The following RYR1 variants were observed in gnomAD, a reference collection of about 807,000 sequenced individuals.
The protein encoded by RYR1 is ryanodine receptor 1.
A neutral mutation model predicts 583.5 loss-of-function variants in RYR1; 342 were observed. That is an observed-to-expected ratio of 0.59 (90% CI 0.54 to 0.64). The LOEUF (loss-of-function observed/expected upper bound fraction) is 0.64. RYR1 is among the 30% of genes least tolerant of loss of function. The probability of loss-of-function intolerance (pLI) is 0.00; values close to 1 mark genes in which losing one functional copy is unlikely to be tolerated. For synonymous variants in RYR1, 2,791 were observed against 2,822.5 expected (o/e 0.99, Z 0.35); for missense variants, 6,032 against 6,917.2 (o/e 0.87, Z 4.54).
At position 38,516,231 on chromosome 19, in the gene RYR1, G is replaced by A. The variant is rs758478377; in HGVS notation, c.9685+14G>A. On this transcript the variant is annotated intron_variant, in intron 65 of 105. Coordinates refer to ENST00000359596, the MANE Select transcript of RYR1 (RefSeq NM_000540.3). ...GGGAGCGGGCCAGTAAGCTGTGTGG[G>A]GCGGGAGCAGTGCTGGGAGTCCAAA... 1.3e-6 allele frequency: 2 copies of A among 1,583,262 alleles called. No homozygotes were observed. The highest frequency in any genetic ancestry group is 2.3e-5 in the South Asian group (2 of 86,658).
At position 38,533,421 on chromosome 19, in the gene RYR1, C is replaced by T. The variant is rs573014059; in HGVS notation, c.11259+685C>T. Among the ~76,000 whole-genome samples the T allele has an allele frequency of 1.1e-4, 17 of 152,252 alleles. No individual in the cohort carries two copies. In the South Asian group the frequency reaches 3.3e-3, roughly 30 times the overall value. The stretch of plus-strand genomic sequence containing the variant: ...TAAAATGAATTCATAGCAGAGGAAA[C>T]AAGTATTGAATAGCTATCAAAATAT... On this transcript the variant is annotated intron_variant, in intron 78 of 105. Coordinates refer to ENST00000359596, the MANE Select transcript of RYR1 (RefSeq NM_000540.3).
intron 27 of RYR1, 26 bp from the exon 28 acceptor site, chr19:38,473,351 C>T: frequency 6.2e-7 from 1 of 1,613,572 alleles, no homozygotes; most frequent in Non-Finnish European, 8.5e-7. Flanking sequence ...CTGCCCAGCC[C>T]AGTACTCCAT....
Position 38,433,806 on chromosome 19 carries a change from C to T in RYR1, c.-24C>T, listed in dbSNP as rs1455194844. On this transcript the variant is annotated 5_prime_UTR_variant, in exon 1 of 106. Transcript: ENST00000359596. ...CCTCCCTCTGTTCCCCGACCTCAGA[C>T]CCTGGGCTTCCGACCTCGACATCAT... is the stretch of plus-strand genomic sequence containing the variant. The T allele has an allele frequency of 1.4e-6, 2 of 1,477,100 alleles. No individual in the cohort carries two copies. Among genetic ancestry groups the T allele is most frequent in the South Asian group, 1.1e-5 (1 of 89,334 alleles). 91.5% of individuals were successfully genotyped at this position (1,477,100 alleles called of 1,614,324 possible).
At position 38,496,306 on chromosome 19, in the gene RYR1, G is replaced by A. The variant is rs193922795; in HGVS notation, c.6640G>A (p.Val2214Ile). Reference sequence around the variant, plus strand: ...GACGGTCATGGAGGTCATGGTCAACGTCCTCGGGGGCGGCGAGTCCAAGGT... The same window carrying A: ...GACGGTCATGGAGGTCATGGTCAACATCCTCGGGGGCGGCGAGTCCAAGGT... Reference protein sequence around the residue: ...HETVMEVMVNVLGGGESKEIR... With the variant: ...HETVMEVMVNILGGGESKEIR... Residue 2214 changes from valine (V) to isoleucine (I), a missense_variant, in exon 40 of 106, where the codon GTC becomes ATC. Around this residue, in one of 11 missense-constraint regions of RYR1, gnomAD observed 2,627 missense variants for 2,961.3 expected, o/e 0.89. Coordinates refer to ENST00000359596, the MANE Select transcript of RYR1 (RefSeq NM_000540.3). The surrounding 1 kb of genome is among the most constrained non-coding windows in gnomAD (Gnocchi z 4.8). 8.1e-6 allele frequency: 13 copies of A among 1,613,900 alleles called. No homozygotes were observed. In the African/African-American group the frequency reaches 9.3e-5, roughly 12 times the overall value.
intron 30 of RYR1, 150 bp from the exon 31 acceptor site, chr19:38,478,285 G>A: frequency 1.2e-6 from 1 of 824,454 alleles, no homozygotes; most frequent in Non-Finnish European, 2.0e-6. Flanking sequence ...AGTGTCCGGG[G>A]CGAGGGGTTT....
At chr19:38,515,627 C>T (rs1036085578) in intron 64 of RYR1, among the ~76,000 whole-genome samples, 6 of 151,944 alleles carry the variant, frequency 3.9e-5, no homozygotes, top group Admixed American at 1.3e-4. Flanking sequence ...GACTCCATCT[C>T]TACAAAAAAA....
intron 66 of RYR1, among the ~76,000 whole-genome samples, chr19:38,518,968 T>C (rs945974369): frequency 6.6e-6 from 1 of 150,870 alleles, no homozygotes; most frequent in African/African-American, 2.4e-5. Flanking sequence ...AGGCGTCTGT[T>C]GTTGGGGGTC....
chr19:38,498,376 G>A lies in RYR1; in HGVS notation c.6892-732G>A, dbSNP rs188038581. On this transcript the variant is annotated intron_variant, in intron 42 of 105. Coordinates refer to ENST00000359596, the MANE Select transcript of RYR1 (RefSeq NM_000540.3). ...GGCAGAAGGACAGAAGGACAGGGAG[G>A]AGGCTCGTGTTGTGGTCCAGGTGGG... 4.6e-5 allele frequency among the ~76,000 whole-genome samples: 7 copies of A among 152,224 alleles called. No homozygotes were observed. In the East Asian group the frequency reaches 1.4e-3, roughly 29 times the overall value.
At chr19:38,489,057 G>A in intron 34 of RYR1, 120 bp from the exon 35 acceptor site, 5 of 896,132 alleles carry the variant, frequency 5.6e-6, no homozygotes, top group East Asian at 2.5e-5. Flanking sequence ...GGGAGGAATC[G>A]GATCAGCCAA....
Position 38,543,260 on chromosome 19 carries a change from G to A in RYR1, c.11690-87G>A, listed in dbSNP as rs1255617186. 4 of 1,110,058 alleles carry A rather than the reference G, an allele frequency of 3.6e-6. No individual in the cohort carries two copies. The highest frequency in any genetic ancestry group is 5.5e-6 in the Non-Finnish European group (4 of 721,002). 68.8% of individuals were successfully genotyped at this position (1,110,058 alleles called of 1,614,324 possible). A position where few individuals can be genotyped will look rare whatever the true frequency, so the allele number is the denominator to read the frequency against. The stretch of plus-strand genomic sequence containing the variant: ...GGCATACAATAGGAACTCAACACAT[G>A]AGTATTGCATAAATGAATAAATGAC... On this transcript the variant is annotated intron_variant, in intron 84 of 105. Coordinates refer to ENST00000359596, the MANE Select transcript of RYR1 (RefSeq NM_000540.3). The surrounding 1 kb of genome is among the most constrained non-coding windows in gnomAD (Gnocchi z 4.4).
At chr19:38,489,548 T>A in intron 35 of RYR1, 105 bp downstream of exon 35, 1 of 1,280,510 alleles carries the variant, frequency 7.8e-7, no homozygotes, top group Non-Finnish European at 1.1e-6. Context: ...TGGGGAGCTG[T>A]GGAAATGCAT....
Position 38,586,591 on chromosome 19 carries a change from A to G in RYR1, c.15021+15A>G. ...ACACGGGTCAGGTAAGGGGGTGTTA[A>G]TGGGAGGACAGTGGGCAGGACGTGG... On this transcript the variant is annotated intron_variant, in intron 105 of 105. Coordinates refer to ENST00000359596, the MANE Select transcript of RYR1 (RefSeq NM_000540.3). 6.2e-7 allele frequency: 1 copy of G among 1,613,214 alleles called. No individual in the cohort carries two copies. The highest frequency in any genetic ancestry group is 8.5e-7 in the Non-Finnish European group (1 of 1,179,150).
chr19:38,573,819 G>A (rs1973836607), intron 96 of RYR1, among the ~76,000 whole-genome samples: 1 of 152,176 alleles, frequency 6.6e-6, no homozygotes, highest in African/African-American at 2.4e-5. Context: ...GGTGAGGTTG[G>A]CACACAGAGA....
In RYR1 at chr19:38,455,265, G is replaced by A; in HGVS notation, c.1471G>A (p.Asp491Asn). The A allele has an allele frequency of 2.5e-6, 4 of 1,614,040 alleles. No individual in the cohort carries two copies. The highest frequency in any genetic ancestry group is 3.4e-6 in the Non-Finnish European group (4 of 1,180,006). Reference protein sequence around the residue: ...GMLSMVLNCIDRLNVYTTAAH... With the variant: ...GMLSMVLNCINRLNVYTTAAH... Reference sequence around the variant, plus strand: ...GCTCTCCATGGTCCTGAATTGCATAGACCGCCTAAATGTCTACACCACTGC... The same window carrying A: ...GCTCTCCATGGTCCTGAATTGCATAAACCGCCTAAATGTCTACACCACTGC... The change falls in exon 14 of 106, where the codon GAC (aspartate) becomes AAC (asparagine). Residue 491 changes from aspartate to asparagine, a missense_variant. Coordinates refer to ENST00000359596, the MANE Select transcript of RYR1 (RefSeq NM_000540.3).
chr19:38,522,968 G>A, intron 67 of RYR1, 60 bp from the exon 68 acceptor site: 1 of 1,356,154 alleles, frequency 7.4e-7, no homozygotes, highest in Non-Finnish European at 1.0e-6. Flanking sequence ...ATCTCTCTCT[G>A]GGCAGCCCCC....
At chr19:38,524,208 AAAAG>A (rs1479261479) in intron 70 of RYR1, among the ~76,000 whole-genome samples, 2 of 149,330 alleles carry the variant, frequency 1.3e-5, no homozygotes, top group African/African-American at 2.4e-5. Context: ...AAAAAAGAAA[AAAAG>A]AGCAACTCTC....
chr19:38,543,520 C>CG lies in RYR1; in HGVS notation c.11779-11dup, dbSNP rs1568557821. ...CCCCAGCACCCCCTCACACCCTACC[C>CG]GCCCCCACCAGGAATCCATCAGCGA... On this transcript the variant is annotated splice_polypyrimidine_tract_variant and intron_variant, in intron 85 of 105. Coordinates refer to ENST00000359596, the MANE Select transcript of RYR1 (RefSeq NM_000540.3). The surrounding 1 kb of genome is among the most constrained non-coding windows in gnomAD (Gnocchi z 4.4). The CG allele has an allele frequency of 6.2e-7, 1 of 1,614,200 alleles. No homozygotes were observed. The highest frequency in any genetic ancestry group is 1.1e-5 in the South Asian group (1 of 91,084).
chr19:38,490,203 T>G lies in RYR1; in HGVS notation c.5942T>G (p.Ile1981Arg), dbSNP rs1057524609. Residue 1981 changes from isoleucine to arginine, a missense_variant, in exon 36 of 106, where the codon ATA becomes AGA. This residue lies in a region of RYR1 where 2,627 missense variants were observed against 2,961.3 expected (regional missense o/e 0.89). Transcript: ENST00000359596. Reference protein sequence around the residue: ...ANQRSRYGLLIKAFSMTAAET... With the variant: ...ANQRSRYGLLRKAFSMTAAET... ...CAGCGGAGCCGCTATGGCCTCCTCA[T>G]AAAAGCCTTCAGCATGACCGCAGCA... The G allele has an allele frequency of 1.9e-6, 3 of 1,614,080 alleles. No homozygotes were observed. The highest frequency in any genetic ancestry group is 2.5e-6 in the Non-Finnish European group (3 of 1,180,046).
rs1167574147 is a variant in RYR1, at chr19:38,466,412, C to A, written c.3178+14C>A. ...ACCAGGAGCCCAGTGAGTGCTCACC[C>A]CTGGCCCTGGCCCTGACTCCTACCC... is the stretch of plus-strand genomic sequence containing the variant. On this transcript the variant is annotated intron_variant, in intron 24 of 105. Coordinates refer to ENST00000359596, the MANE Select transcript of RYR1 (RefSeq NM_000540.3). 6.5e-7 allele frequency: 1 copy of A among 1,540,926 alleles called. No individual in the cohort carries two copies. The highest frequency in any genetic ancestry group is 2.4e-5 in the East Asian group (1 of 40,904).
Sources: gnomAD v4.1 joint callset for allele counts (sites outside exome capture counted in the v4.1 genomes callset) on GRCh38, gnomAD v4.1.1 for gene constraint, gnomAD v4.1.1 regional missense constraint, Gnocchi (gnomAD v3.1) non-coding constraint, MANE v1.5 for transcripts, NCBI Gene and HGNC (gene_info 2026-07-23, HGNC 2026-07-21) for gene names.